The following ARRB1 variants were observed in gnomAD, a reference collection of about 807,000 sequenced individuals.
ARRB1 encodes the protein arrestin beta 1, also known as beta-arrestin-1.
In ARRB1, 21 loss-of-function variants were observed where a neutral mutation model predicts 56.8. The ratio of observed to expected loss-of-function variants is 0.37; its 90% CI spans 0.26 to 0.53. The LOEUF is 0.53. Ranked by LOEUF, ARRB1 falls within the 20% of genes least tolerant of loss-of-function variation. The pLI is 0.88. For synonymous variants in ARRB1, 210 were observed against 218.6 expected (o/e 0.96, Z 0.35); for missense variants, 424 against 553.7 (o/e 0.77, Z 2.35).
intron 1 of ARRB1, among the ~76,000 whole-genome samples, chr11:75,294,558 AAAATAAAT>A (rs201799600): frequency 0.083 from 11,052 of 133,086 alleles, 911 homozygotes; most frequent in African/African-American, 0.22. Flanking sequence ...CTCCGTCTCA[AAAATAAAT>A]AAATAAATAA....
intron 1 of ARRB1, among the ~76,000 whole-genome samples, chr11:75,350,154 G>A (rs1289976284): frequency 1.3e-5 from 2 of 152,202 alleles, no homozygotes; most frequent in Non-Finnish European, 2.9e-5. Context: ...ATCTCTGCAA[G>A]CCCTTTCTCA....
chr11:75,345,364 C>T (rs1046869053), intron 1 of ARRB1, among the ~76,000 whole-genome samples: 1 of 152,064 alleles, frequency 6.6e-6, no homozygotes, highest in African/African-American at 2.4e-5. Context: ...CTCTCAAAAG[C>T]AGCCACCCTG....
intron 1 of ARRB1, among the ~76,000 whole-genome samples, chr11:75,341,988 G>A (rs1049900744): frequency 1.3e-5 from 2 of 152,178 alleles, no homozygotes; most frequent in Non-Finnish European, 2.9e-5. Context: ...CTCCTAACGA[G>A]AGAAGGAAAG....
At chr11:75,277,049 C>A in intron 9 of ARRB1, 138 bp from the exon 10 acceptor site, 1 of 789,728 alleles carries the variant, frequency 1.3e-6, no homozygotes. Flanking sequence ...CATAAGACCA[C>A]CCCTGTCTTA....
chr11:75,332,143 C>A (rs1305700456), intron 1 of ARRB1, among the ~76,000 whole-genome samples: 1 of 151,932 alleles, frequency 6.6e-6, no homozygotes, highest in Non-Finnish European at 1.5e-5. Flanking sequence ...TCTCTCTTTG[C>A]TGATTCCTTT....
intron 15 of ARRB1, among the ~76,000 whole-genome samples, chr11:75,266,681 G>A (rs1029494733): frequency 2.8e-4 from 42 of 152,254 alleles, no homozygotes; most frequent in African/African-American, 9.9e-4. Context: ...AATCCCCCAA[G>A]AATAGGCCCG....
intron 1 of ARRB1, among the ~76,000 whole-genome samples, chr11:75,298,927 T>C (rs1352356467): frequency 6.6e-6 from 1 of 151,694 alleles, no homozygotes; most frequent in Non-Finnish European, 1.5e-5. Flanking sequence ...ATTAACATAA[T>C]GTTAATTATG....
intron 1 of ARRB1, among the ~76,000 whole-genome samples, chr11:75,342,882 AAG>A (rs1371093173): frequency 1.3e-5 from 2 of 152,306 alleles, no homozygotes; most frequent in East Asian, 3.9e-4. Flanking sequence ...GTCTTCAAGC[AAG>A]GTAAAGCTGA....
Position 75,351,575 on chromosome 11 carries a change from G to T in ARRB1, c.20+13C>A. 1.3e-6 allele frequency: 2 copies of T among 1,490,530 alleles called. No homozygotes were observed. The highest frequency in any genetic ancestry group is 1.8e-6 in the Non-Finnish European group (2 of 1,126,552). 92.3% of individuals were successfully genotyped at this position (1,490,530 alleles called of 1,614,324 possible). A position where few individuals can be genotyped will look rare whatever the true frequency, so the allele number is the denominator to read the frequency against. On this transcript the variant is annotated intron_variant, in intron 1 of 15. Coordinates refer to ENST00000420843, the MANE Select transcript of ARRB1 (RefSeq NM_004041.5). ...CCCACGCGCCCCCCGCCGGGCGGCC[G>T]CCCTGCACTCACCGGGTCCCTTTGT...
chr11:75,340,314 G>A (rs1280575357), intron 1 of ARRB1, among the ~76,000 whole-genome samples: 1 of 152,216 alleles, frequency 6.6e-6, no homozygotes, highest in Non-Finnish European at 1.5e-5. Context: ...GGCCTGCACT[G>A]AGGAAGCATA....
At chr11:75,343,120 C>T (rs1947715868) in intron 1 of ARRB1, among the ~76,000 whole-genome samples, 1 of 152,154 alleles carries the variant, frequency 6.6e-6, no homozygotes, top group African/African-American at 2.4e-5. Flanking sequence ...CAAGCAGATC[C>T]AGGGTGCTCT....
intron 1 of ARRB1, chr11:75,306,435 C>A: frequency 1.9e-6 from 1 of 518,750 alleles, no homozygotes; most frequent in Non-Finnish European, 3.5e-6. Context: ...CCACCTATGC[C>A]AGAGGCTGGT....
chr11:75,342,663 G>C (rs918534464), intron 1 of ARRB1, among the ~76,000 whole-genome samples: 1 of 151,920 alleles, frequency 6.6e-6, no homozygotes, highest in Admixed American at 6.6e-5. Context: ...GCCCACACCC[G>C]GGAAAGGCTC....
intron 1 of ARRB1, among the ~76,000 whole-genome samples, chr11:75,307,839 G>T (rs935191392): frequency 6.6e-6 from 1 of 152,212 alleles, no homozygotes; most frequent in African/African-American, 2.4e-5. Flanking sequence ...GAGATGGCAG[G>T]GGGCAACAGG....
chr11:75,287,400 G>T (rs753007252), intron 2 of ARRB1, 25 bp from the exon 3 acceptor site: 2 of 1,554,016 alleles, frequency 1.3e-6, no homozygotes, highest in Admixed American at 1.9e-5. Flanking sequence ...CATAGGGGGC[G>T]TTAGCAGCTG....
chr11:75,281,031 C>T, intron 7 of ARRB1, 44 bp downstream of exon 7: 1 of 1,572,856 alleles, frequency 6.4e-7, no homozygotes, highest in South Asian at 1.2e-5. Flanking sequence ...TCCTGTCTCC[C>T]TCCCTCACCC....
At chr11:75,266,328 G>T in intron 15 of ARRB1, 54 bp from the exon 16 acceptor site, 1 of 1,477,196 alleles carries the variant, frequency 6.8e-7, no homozygotes, top group Non-Finnish European at 9.5e-7. Context: ...GGGAGAGTAG[G>T]CTTATCCAGA....
chr11:75,268,709 C>T (rs963181029), intron 14 of ARRB1, among the ~76,000 whole-genome samples, 180 bp downstream of exon 14: 10 of 152,180 alleles, frequency 6.6e-5, no homozygotes, highest in African/African-American at 1.9e-4. Flanking sequence ...GGAACAGGAG[C>T]CACGCCTCAC....
chr11:75,285,753 A>T (rs1946455146), intron 3 of ARRB1, among the ~76,000 whole-genome samples: 1 of 152,114 alleles, frequency 6.6e-6, no homozygotes, highest in African/African-American at 2.4e-5. Flanking sequence ...CCTGCTGAAC[A>T]GCTCTCAGGG....
Sources: gnomAD v4.1 joint callset for allele counts (sites outside exome capture counted in the v4.1 genomes callset) on GRCh38, gnomAD v4.1.1 for gene constraint, MANE v1.5 for transcripts, NCBI Gene and HGNC (gene_info 2026-07-23, HGNC 2026-07-21) for gene names.